RAB44: variants seen among roughly 807,000 people sequenced by gnomAD.
The protein encoded by RAB44 is ras-related protein Rab-44.
A neutral mutation model predicts 93.3 loss-of-function variants in RAB44; 67 were observed. That is an observed-to-expected ratio of 0.72 (90% CI 0.59 to 0.88). RAB44 has a LOEUF of 0.88. RAB44 is among the 40% of genes least tolerant of loss of function. The pLI, the probability that RAB44 is intolerant of heterozygous loss-of-function variation, is 0.00. For missense variants in RAB44, 1,064 were observed against 1,261.7 expected (o/e 0.84, Z 2.37); for synonymous variants, 427 against 520.3 (o/e 0.82, Z 2.44).
In RAB44 at chr6:36,728,809, C is replaced by T; in HGVS notation, c.2898+8C>T. 1 of 1,548,578 alleles carries T rather than the reference C, an allele frequency of 6.5e-7. No homozygotes were observed. Among genetic ancestry groups the T allele is most frequent in the Non-Finnish European group, 8.7e-7 (1 of 1,145,174 alleles). Reference sequence around the variant, plus strand: ...GGGCAGCAACTGGCCCAGGTAAGCACTTGGGCATCAGCCCGTCTCTGTGCG... The same window carrying T: ...GGGCAGCAACTGGCCCAGGTAAGCATTTGGGCATCAGCCCGTCTCTGTGCG... On this transcript the variant is annotated splice_region_variant and intron_variant, in intron 12 of 13. Coordinates refer to ENST00000612677, the MANE Select transcript of RAB44 (RefSeq NM_001257357.2).
Position 36,721,404 on chromosome 6 carries a change from C to T in RAB44, c.1270C>T (p.Pro424Ser), listed in dbSNP as rs1402582029. 8.1e-7 allele frequency: 1 copy of T among 1,234,346 alleles called. No homozygotes were observed. Among genetic ancestry groups the T allele is most frequent in the Non-Finnish European group, 1.0e-6 (1 of 988,222 alleles). The allele number at this position is 1,234,346 out of a possible 1,614,324, so 76.5% of individuals were successfully genotyped here. ...EPQAFLFGQE[P>S]SSDPDGAPRT... ...ACAGGCTTTTCTATTTGGTCAGGAG[C>T]CATCTTCAGATCCAGATGGGGCTCC... The change falls in exon 9 of 14, where the codon CCA (proline) becomes TCA (serine). Residue 424 changes from proline to serine, a missense_variant. Physicochemically the swap from Pro to Ser is moderately conservative, Grantham distance 74 (BLOSUM62 -1). Transcript: ENST00000612677.
intron 12 of RAB44, 102 bp from the exon 13 acceptor site, chr6:36,730,571 T>TGC: frequency 3.2e-6 from 2 of 623,204 alleles, no homozygotes; most frequent in Admixed American, 4.4e-5. Flanking sequence ...AGCTTAGGGA[T>TGC]GCATTGGGAC....
At chr6:36,706,961 T>C (rs1042973912) in intron 2 of RAB44, among the ~76,000 whole-genome samples, 5 of 152,110 alleles carry the variant, frequency 3.3e-5, no homozygotes, top group South Asian at 2.1e-4. Flanking sequence ...AAATTATTGG[T>C]TTCTGAATTG....
rs566665377 is a variant in RAB44 at position 36,701,509 on chromosome 6, T to C, written c.-12-2715T>C. Among the ~76,000 whole-genome samples, 5 of 152,294 alleles carry C rather than the reference T, an allele frequency of 3.3e-5. No individual in the cohort carries two copies. In the South Asian group the frequency reaches 1.0e-3, roughly 32 times the overall value. On this transcript the variant is annotated intron_variant, in intron 1 of 13. Transcript: ENST00000612677. ...TGGGTTGAGAGCCCAGTACATATCC[T>C]AAGCAAGGTTGGGCACTATGAGGGC...
At chr6:36,701,981 C>G (rs145331203) in intron 1 of RAB44, among the ~76,000 whole-genome samples, 1 of 151,980 alleles carries the variant, frequency 6.6e-6, no homozygotes. Context: ...AGCACTGTAC[C>G]GGCATTCAGT....
At chr6:36,706,790 G>A (rs1054048780) in intron 2 of RAB44, among the ~76,000 whole-genome samples, 1 of 151,388 alleles carries the variant, frequency 6.6e-6, no homozygotes, top group East Asian at 1.9e-4. Flanking sequence ...GCAGTGGTGC[G>A]ATCTTGGCTC....
chr6:36,699,183 A>G (rs1252601712), intron 1 of RAB44, among the ~76,000 whole-genome samples: 2 of 152,104 alleles, frequency 1.3e-5, no homozygotes, highest in Non-Finnish European at 2.9e-5. Flanking sequence ...ACTGGCAGAG[A>G]GGGCAGATGC....
At position 36,730,599 on chromosome 6, in the gene RAB44, T is replaced by C. The variant is rs59506596; in HGVS notation, c.2899-74T>C. ...ATTGGGACTCTGATGGCCGGGACTTTAGTGGCGGGGTATGGCCTGGCCTTT... is the reference window on the plus strand; with the variant it reads ...ATTGGGACTCTGATGGCCGGGACTTCAGTGGCGGGGTATGGCCTGGCCTTT... On this transcript the variant is annotated intron_variant, in intron 12 of 13. Transcript: ENST00000612677. 6.1e-4 allele frequency: 585 copies of C among 954,444 alleles called. 1 individual carries two copies. In the African/African-American group the frequency reaches 7.9e-3, roughly 13 times the overall value. 59.1% of individuals were successfully genotyped at this position (954,444 alleles called of 1,614,324 possible).
chr6:36,712,335 G>C (rs1327381152), intron 2 of RAB44, among the ~76,000 whole-genome samples: 4 of 152,082 alleles, frequency 2.6e-5, no homozygotes, highest in Non-Finnish European at 5.9e-5. Flanking sequence ...AGATCTCAAA[G>C]AGCTGTTCTC....
chr6:36,702,336 GAGAAT>G (rs2150323143), intron 1 of RAB44, among the ~76,000 whole-genome samples: 1 of 53,650 alleles, frequency 1.9e-5, no homozygotes, highest in South Asian at 8.0e-4. Flanking sequence ...GAGAGAGAGA[GAGAAT>G]GTACTTCTGT....
intron 11 of RAB44, 25 bp downstream of exon 11, chr6:36,727,716 G>GCCAA: frequency 6.8e-7 from 1 of 1,460,376 alleles, no homozygotes; most frequent in Non-Finnish European, 9.4e-7. Context: ...GCTGGGGTTG[G>GCCAA]CCCCAGTCCC....
At chr6:36,724,086 G>A (rs1179467649) in intron 9 of RAB44, among the ~76,000 whole-genome samples, 1 of 151,936 alleles carries the variant, frequency 6.6e-6, no homozygotes, top group Non-Finnish European at 1.5e-5. Flanking sequence ...CCTATAGCAG[G>A]CTGGCCTGAT....
At chr6:36,710,527 T>C (rs1262330944) in intron 2 of RAB44, among the ~76,000 whole-genome samples, 1 of 151,326 alleles carries the variant, frequency 6.6e-6, no homozygotes, top group African/African-American at 2.5e-5. Flanking sequence ...TCTGGGTCTT[T>C]GCCGCTTTCT....
At chr6:36,700,184 C>T (rs1328286870) in intron 1 of RAB44, among the ~76,000 whole-genome samples, 2 of 152,156 alleles carry the variant, frequency 1.3e-5, no homozygotes, top group Non-Finnish European at 2.9e-5. Context: ...CTTGCTTAAT[C>T]CTCGCAGCAT....
chr6:36,714,964 CCTT>C (rs1281114399), intron 3 of RAB44, among the ~76,000 whole-genome samples: 3 of 152,150 alleles, frequency 2.0e-5, no homozygotes, highest in Non-Finnish European at 4.4e-5. Flanking sequence ...ATGGTTTGCT[CCTT>C]CTTGTAATTC....
At chr6:36,707,530 T>C (rs1242363656) in intron 2 of RAB44, among the ~76,000 whole-genome samples, 2 of 151,872 alleles carry the variant, frequency 1.3e-5, no homozygotes, top group African/African-American at 2.4e-5. Context: ...ATCAACACCA[T>C]GTAATCAATT....
At chr6:36,729,396 T>C (rs552663151) in intron 12 of RAB44, among the ~76,000 whole-genome samples, 1 of 152,238 alleles carries the variant, frequency 6.6e-6, no homozygotes, top group South Asian at 2.1e-4. Context: ...CCTACTGTAT[T>C]TCCTTCCTGT....
chr6:36,720,064 TGAGTA>T (rs1562061902), intron 7 of RAB44, among the ~76,000 whole-genome samples: 2 of 152,166 alleles, frequency 1.3e-5, no homozygotes, highest in East Asian at 3.9e-4. Flanking sequence ...TGTAGGGCGC[TGAGTA>T]GAGGAGGGTG....
intron 1 of RAB44, among the ~76,000 whole-genome samples, chr6:36,700,211 T>C (rs575039023): frequency 1.3e-5 from 2 of 152,196 alleles, no homozygotes; most frequent in Non-Finnish European, 2.9e-5. Flanking sequence ...GGGAGAGATA[T>C]TAGTCCTAAG....
Sources: allele counts gnomAD v4.1 joint callset (sites outside exome capture counted in the v4.1 genomes callset), GRCh38; gene constraint gnomAD v4.1.1; transcripts MANE v1.5; gene names NCBI Gene and HGNC (gene_info 2026-07-23, HGNC 2026-07-21).